SDCCAG8: variants seen among roughly 807,000 people sequenced by gnomAD.
SDCCAG8 encodes the protein serologically defined colon cancer antigen 8.
A neutral mutation model predicts 101.8 loss-of-function variants in SDCCAG8; 74 were observed. The observed-to-expected ratio is 0.73, with a 90% confidence interval of 0.60 to 0.88. The LOEUF (loss-of-function observed/expected upper bound fraction) is 0.88, where lower values mean the gene tolerates loss of function less well. Among genes scored for constraint, SDCCAG8 ranks in the 40% least tolerant of loss-of-function variants. The pLI, the probability that SDCCAG8 is intolerant of heterozygous loss-of-function variation, is 0.00. For missense variants in SDCCAG8, 787 were observed against 822.6 expected, an observed-to-expected ratio of 0.96 and a Z score of 0.53; for synonymous variants, 281 against 292.9, an observed-to-expected ratio of 0.96 and a Z score of 0.41.
chr1:243,267,410 C>A (rs558521431), intron 1 of SDCCAG8: 80 of 291,126 alleles, frequency 2.7e-4, no homozygotes, highest in African/African-American at 1.7e-3. Context: ...ACCAGCCTGA[C>A]CAACGTGGAG....
chr1:243,257,728 C>T (rs963116165), intron 1 of SDCCAG8, among the ~76,000 whole-genome samples: 28 of 152,230 alleles, frequency 1.8e-4, no homozygotes, highest in African/African-American at 6.7e-4. Context: ...GTAAAAAAAT[C>T]GGTTTTAATG....
chr1:243,426,589 C>T (rs746929188), intron 16 of SDCCAG8, 31 bp downstream of exon 16: 29 of 1,613,284 alleles, frequency 1.8e-5, no homozygotes, highest in Middle Eastern at 1.6e-4. Flanking sequence ...ACTCATGTGC[C>T]GCATATTGAA....
intron 6 of SDCCAG8, chr1:243,293,635 G>A (rs1030687126): frequency 4.9e-5 from 18 of 368,176 alleles, no homozygotes; most frequent in South Asian, 3.4e-4. Context: ...TTTCAAGACT[G>A]AATAATGTTC....
rs907543276 is a variant in SDCCAG8 at position 243,309,607 on chromosome 1, C to T, written c.929+1430C>T. On this transcript the variant is annotated intron_variant, in intron 8 of 17. Coordinates refer to ENST00000366541, the MANE Select transcript of SDCCAG8 (RefSeq NM_006642.5). Reference sequence around the variant, plus strand: ...GCAACTTTGAACTTCTGTGCTCAAGCGATCCTCCTGCCTCAGCTTCCTGAG... The same window carrying T: ...GCAACTTTGAACTTCTGTGCTCAAGTGATCCTCCTGCCTCAGCTTCCTGAG... Among the ~76,000 whole-genome samples the T allele has an allele frequency of 5.3e-5, 8 of 152,148 alleles. 1 individual carries two copies. Among genetic ancestry groups the T allele is most frequent in the Non-Finnish European group, 1.2e-4 (8 of 68,034 alleles).
chr1:243,337,396 C>G (rs1039009982), intron 10 of SDCCAG8, among the ~76,000 whole-genome samples: 1 of 152,166 alleles, frequency 6.6e-6, no homozygotes, highest in Non-Finnish European at 1.5e-5. Context: ...GATTTTGTCC[C>G]TAGTAAGCCC....
At chr1:243,316,054 G>C (rs1318932930) in intron 8 of SDCCAG8, among the ~76,000 whole-genome samples, 2 of 152,164 alleles carry the variant, frequency 1.3e-5, no homozygotes, top group African/African-American at 4.8e-5. Flanking sequence ...TTTGGCATTT[G>C]GTTCACTTCT....
Position 243,336,320 on chromosome 1 carries a change from C to T in SDCCAG8, c.1222-4719C>T, listed in dbSNP as rs894759813. 7.9e-5 allele frequency among the ~76,000 whole-genome samples: 12 copies of T among 152,164 alleles called. 1 individual carries two copies. The highest frequency in any genetic ancestry group is 2.9e-4 in the African/African-American group (12 of 41,430). ...GAGTTTTGAATAACAGCCATTCTGA[C>T]TGGTGTGAAATGGGATCTCATTGTG... On this transcript the variant is annotated intron_variant, in intron 10 of 17. Transcript: ENST00000366541.
intron 13 of SDCCAG8, among the ~76,000 whole-genome samples, chr1:243,380,691 TTTG>T (rs1478059961): frequency 2.0e-4 from 30 of 152,152 alleles, no homozygotes; most frequent in Non-Finnish European, 4.3e-4. Flanking sequence ...GCTTTTTTTT[TTTG>T]TTGAGCTTTA....
chr1:243,334,604 G>GTTTT (rs1451264784), intron 10 of SDCCAG8, among the ~76,000 whole-genome samples: 1 of 151,838 alleles, frequency 6.6e-6, no homozygotes, highest in African/African-American at 2.4e-5. Flanking sequence ...TTGTTTGTTT[G>GTTTT]TATTTGAGAC....
chr1:243,412,449 C>T (rs540646984), intron 13 of SDCCAG8, among the ~76,000 whole-genome samples: 6 of 152,266 alleles, frequency 3.9e-5, no homozygotes, highest in African/African-American at 7.2e-5. Context: ...TGTGTTGGGC[C>T]GCATTCAAAA....
chr1:243,495,073 G>C (rs984152337), intron 17 of SDCCAG8, among the ~76,000 whole-genome samples: 5 of 152,200 alleles, frequency 3.3e-5, no homozygotes, highest in Admixed American at 1.3e-4. Context: ...GTGTGTAGAG[G>C]AAGTTCTCAT....
At chr1:243,338,729 A>G (rs1047300769) in intron 10 of SDCCAG8, 5 of 152,184 alleles carry the variant, frequency 3.3e-5, no homozygotes, top group Non-Finnish European at 7.3e-5. Flanking sequence ...TACCAGGTTC[A>G]ATACACTAGG....
chr1:243,489,172 C>G, intron 17 of SDCCAG8, 32 bp downstream of exon 17: 1 of 1,608,274 alleles, frequency 6.2e-7, no homozygotes, highest in Non-Finnish European at 8.5e-7. Context: ...AGGTGGGAGT[C>G]CTTGGGCGGG....
chr1:243,484,095 A>G (rs1387868302), intron 16 of SDCCAG8, among the ~76,000 whole-genome samples: 1 of 151,268 alleles, frequency 6.6e-6, no homozygotes, highest in Non-Finnish European at 1.5e-5. Context: ...GGTACCTCGG[A>G]CTCGCCCTGA....
chr1:243,485,100 C>G (rs1200319405), intron 16 of SDCCAG8, among the ~76,000 whole-genome samples: 1 of 151,596 alleles, frequency 6.6e-6, no homozygotes. Flanking sequence ...AGGCTTGGTT[C>G]GTTTGGTGAA....
At chr1:243,461,535 A>G (rs903240134) in intron 16 of SDCCAG8, among the ~76,000 whole-genome samples, 1 of 152,206 alleles carries the variant, frequency 6.6e-6, no homozygotes, top group African/African-American at 2.4e-5. Flanking sequence ...AAGAGGCTTC[A>G]GAAGTCCATT....
intron 12 of SDCCAG8, among the ~76,000 whole-genome samples, chr1:243,376,403 C>T (rs1573656393): frequency 1.3e-5 from 2 of 152,258 alleles, no homozygotes; most frequent in South Asian, 2.1e-4. Context: ...CCCTGATTTG[C>T]GTTGGCTGTT....
chr1:243,445,287 C>T (rs2082826648), intron 16 of SDCCAG8, among the ~76,000 whole-genome samples: 1 of 152,130 alleles, frequency 6.6e-6, no homozygotes, highest in Non-Finnish European at 1.5e-5. Flanking sequence ...ATTCCCATCC[C>T]CATCCCCAGC....
chr1:243,277,548 C>A (rs1158722697), intron 4 of SDCCAG8, among the ~76,000 whole-genome samples: 2 of 152,144 alleles, frequency 1.3e-5, no homozygotes, highest in Admixed American at 1.3e-4. Flanking sequence ...GGATGCCAGT[C>A]CTTTATCAGA....
Sources: gnomAD v4.1 joint callset for allele counts (sites outside exome capture counted in the v4.1 genomes callset) on GRCh38, gnomAD v4.1.1 for gene constraint, MANE v1.5 for transcripts, NCBI Gene and HGNC (gene_info 2026-07-23, HGNC 2026-07-21) for gene names.